The following PIP4K2A variants were observed in gnomAD, a reference collection of about 807,000 sequenced individuals.
The protein encoded by PIP4K2A is phosphatidylinositol-5-phosphate 4-kinase type 2 alpha.
PIP4K2A carries 14 observed loss-of-function variants against 42.9 expected under a neutral mutation model. The observed-to-expected ratio is 0.33, with a 90% CI of 0.22 to 0.51. The LOEUF is 0.51. Among genes scored for constraint, PIP4K2A ranks in the 20% least tolerant of loss-of-function variants. The probability of loss-of-function intolerance (pLI) is 0.97; values close to 1 mark genes in which losing one functional copy is unlikely to be tolerated. For missense variants in PIP4K2A, 434 were observed against 519.8 expected (o/e 0.83, Z 1.61); for synonymous variants, 192 against 192.2 (o/e 1.00, Z 0.01).
At chr10:22,649,927 A>C (rs901198329) in intron 1 of PIP4K2A, among the ~76,000 whole-genome samples, 2 of 152,182 alleles carry the variant, frequency 1.3e-5, no homozygotes, top group Non-Finnish European at 2.9e-5. Context: ...CATCAGGTAC[A>C]AAAGTTCCCC....
chr10:22,583,244 T>G (rs906958582), intron 4 of PIP4K2A, among the ~76,000 whole-genome samples: 6 of 152,224 alleles, frequency 3.9e-5, no homozygotes, highest in African/African-American at 1.2e-4. Flanking sequence ...GCTCCACGTA[T>G]GACCGCTGGC....
intron 1 of PIP4K2A, among the ~76,000 whole-genome samples, chr10:22,641,376 TAA>T (rs1455836696): frequency 6.6e-6 from 1 of 152,224 alleles, no homozygotes; most frequent in African/African-American, 2.4e-5. Flanking sequence ...GACATTGACA[TAA>T]GAGTGAATTT....
At chr10:22,584,478 T>C (rs564916200) in intron 4 of PIP4K2A, among the ~76,000 whole-genome samples, 1 of 152,124 alleles carries the variant, frequency 6.6e-6, no homozygotes, top group South Asian at 2.1e-4. Flanking sequence ...AAAGATGTAC[T>C]TGCTGGAGAA....
chr10:22,675,610 C>T (rs1839543064), intron 1 of PIP4K2A, among the ~76,000 whole-genome samples: 2 of 152,092 alleles, frequency 1.3e-5, no homozygotes, highest in East Asian at 3.8e-4. Context: ...CAAACAAAAA[C>T]ACTGTTGAGG....
intron 3 of PIP4K2A, among the ~76,000 whole-genome samples, chr10:22,599,993 G>A (rs575568647): frequency 1.0e-4 from 14 of 134,288 alleles, no homozygotes; most frequent in Non-Finnish European, 1.9e-4. Flanking sequence ...TTCCGCAGTC[G>A]GAGGTCCAGG....
intron 4 of PIP4K2A, among the ~76,000 whole-genome samples, chr10:22,574,894 T>C (rs1837074299): frequency 6.6e-6 from 1 of 152,206 alleles, no homozygotes; most frequent in South Asian, 2.1e-4. Context: ...AAAGGGGTTC[T>C]TGGCCTCTGT....
At chr10:22,588,186 TTAAATG>T (rs1344556722) in intron 4 of PIP4K2A, among the ~76,000 whole-genome samples, 1 of 152,248 alleles carries the variant, frequency 6.6e-6, no homozygotes, top group Non-Finnish European at 1.5e-5. Flanking sequence ...TTGCTTTCGT[TTAAATG>T]TAATTTAAAA....
chr10:22,711,959 C>G (rs1204090013), intron 1 of PIP4K2A, among the ~76,000 whole-genome samples: 3 of 152,026 alleles, frequency 2.0e-5, no homozygotes, highest in Non-Finnish European at 4.4e-5. Context: ...AACTCAGAGC[C>G]CTCAAAATAA....
chr10:22,688,402 A>G, intron 1 of PIP4K2A, among the ~76,000 whole-genome samples: 1 of 152,208 alleles, frequency 6.6e-6, no homozygotes, highest in East Asian at 1.9e-4. Context: ...TGGTTCTTTG[A>G]TAGTAGTGAC....
intron 7 of PIP4K2A, among the ~76,000 whole-genome samples, chr10:22,549,701 C>G (rs549927730): frequency 6.6e-6 from 1 of 151,418 alleles, no homozygotes; most frequent in African/African-American, 2.4e-5. Context: ...ATTAGCCAGG[C>G]GTGGTGGCGG....
intron 1 of PIP4K2A, among the ~76,000 whole-genome samples, chr10:22,631,750 A>G (rs868569372): frequency 6.6e-6 from 1 of 152,246 alleles, no homozygotes; most frequent in Non-Finnish European, 1.5e-5. Flanking sequence ...ACTGTTACAC[A>G]TTAAGAATCA....
intron 4 of PIP4K2A, among the ~76,000 whole-genome samples, chr10:22,577,807 C>T (rs1042792394): frequency 1.3e-5 from 2 of 152,192 alleles, no homozygotes; most frequent in African/African-American, 4.8e-5. Context: ...CTTAAATGTG[C>T]TGAAGTTTCT....
chr10:22,633,764 G>C (rs757210047), intron 1 of PIP4K2A, among the ~76,000 whole-genome samples: 3 of 152,150 alleles, frequency 2.0e-5, no homozygotes, highest in Non-Finnish European at 2.9e-5. Context: ...CTAAACACTC[G>C]CATGTAGTTT....
intron 1 of PIP4K2A, among the ~76,000 whole-genome samples, chr10:22,712,905 A>C (rs2130935034): frequency 6.8e-6 from 1 of 146,520 alleles, no homozygotes; most frequent in South Asian, 2.1e-4. Context: ...CAACTTCACT[A>C]CATTGAGGGT....
intron 1 of PIP4K2A, among the ~76,000 whole-genome samples, chr10:22,631,904 C>T (rs900108245): frequency 1.3e-5 from 2 of 152,174 alleles, no homozygotes; most frequent in Non-Finnish European, 2.9e-5. Context: ...CTGACATCAC[C>T]GTAACCAACT....
In PIP4K2A at chr10:22,591,788, G is replaced by T. The variant is rs746620348; in HGVS notation, c.340-7C>A. 1 of 1,606,270 alleles carries T rather than the reference G, an allele frequency of 6.2e-7. No homozygotes were observed. The highest frequency in any genetic ancestry group is 1.7e-5 in the Admixed American group (1 of 59,186). ...CGCTCCTGGTCAGGGAATTCTTCCC[G>T]GGTGGGGTAAGAGGGGAAGGAAGGC... On this transcript the variant is annotated splice_polypyrimidine_tract_variant and splice_region_variant and intron_variant, in intron 3 of 9. Transcript: ENST00000376573.
At chr10:22,658,735 AG>A (rs1203068960) in intron 1 of PIP4K2A, among the ~76,000 whole-genome samples, 1 of 152,244 alleles carries the variant, frequency 6.6e-6, no homozygotes, top group Admixed American at 6.5e-5. Context: ...TCCTAAGCCC[AG>A]GAATGTCACA....
intron 5 of PIP4K2A, among the ~76,000 whole-genome samples, chr10:22,568,346 T>C (rs1836899424): frequency 6.6e-6 from 1 of 152,200 alleles, no homozygotes; most frequent in African/African-American, 2.4e-5. Flanking sequence ...CATTACGTCC[T>C]TCTGTGGGCA....
intron 5 of PIP4K2A, among the ~76,000 whole-genome samples, chr10:22,569,704 C>A (rs1836937471): frequency 6.6e-6 from 1 of 152,006 alleles, no homozygotes; most frequent in African/African-American, 2.4e-5. Flanking sequence ...TCCTCTCCTA[C>A]AATATAATCC....
Sources: gnomAD v4.1 joint callset for allele counts (sites outside exome capture counted in the v4.1 genomes callset) on GRCh38, gnomAD v4.1.1 for gene constraint, MANE v1.5 for transcripts, NCBI Gene and HGNC (gene_info 2026-07-23, HGNC 2026-07-21) for gene names.